The following AFF3 variants were observed in gnomAD, a reference collection of about 807,000 sequenced individuals.
AFF3 encodes AF4/FMR2 family member 3.
In AFF3, 32 loss-of-function variants were observed where a neutral mutation model predicts 129.7. The ratio of observed to expected loss-of-function variants is 0.25; its 90% CI spans 0.19 to 0.33. The LOEUF (loss-of-function observed/expected upper bound fraction) is 0.33. AFF3 is among the 10% of genes least tolerant of loss of function. AFF3 has a pLI of 1.00. For missense variants in AFF3, 1,373 were observed against 1,592.0 expected, an observed-to-expected ratio of 0.86 and a Z score of 2.34; for synonymous variants, 644 against 635.4, an observed-to-expected ratio of 1.01 and a Z score of -0.20.
At chr2:100,011,397 G>A (rs1559055253) in intron 4 of AFF3, 1 of 768,640 alleles carries the variant, frequency 1.3e-6, no homozygotes, top group Non-Finnish European at 2.4e-6. Flanking sequence ...CACAAGACTG[G>A]TGTGATGCAC....
At chr2:99,757,768 C>T (rs769837826) in intron 8 of AFF3, among the ~76,000 whole-genome samples, 89 of 152,204 alleles carry the variant, frequency 5.8e-4, no homozygotes, top group Admixed American at 3.3e-4. Context: ...CACCTCCCAA[C>T]CTCCTATTGT....
chr2:99,651,817 T>C (rs1036838562), intron 12 of AFF3, among the ~76,000 whole-genome samples: 6 of 151,968 alleles, frequency 3.9e-5, no homozygotes, highest in African/African-American at 9.7e-5. Context: ...TCAGGAAAAA[T>C]AGAATCTTCA....
chr2:99,632,721 C>CA (rs1683243035), intron 13 of AFF3, among the ~76,000 whole-genome samples: 1 of 152,164 alleles, frequency 6.6e-6, no homozygotes, highest in Non-Finnish European at 1.5e-5. Flanking sequence ...TCCAGGTAAT[C>CA]AAGGTGGAGA....
At chr2:100,022,567 T>G (rs1005089905) in intron 4 of AFF3, among the ~76,000 whole-genome samples, 1 of 152,048 alleles carries the variant, frequency 6.6e-6, no homozygotes, top group Non-Finnish European at 1.5e-5. Context: ...TGCGCCACCA[T>G]GCCTGGCCAA....
chr2:99,628,837 C>T (rs1006658475), intron 13 of AFF3, among the ~76,000 whole-genome samples: 2 of 151,330 alleles, frequency 1.3e-5, no homozygotes, highest in African/African-American at 4.9e-5. Context: ...TCTCCTGCCT[C>T]AGCCTCCTGA....
At chr2:99,581,228 G>C (rs539985351) in intron 17 of AFF3, among the ~76,000 whole-genome samples, 1 of 152,180 alleles carries the variant, frequency 6.6e-6, no homozygotes, top group East Asian at 1.9e-4. Context: ...AGTTCTCTGC[G>C]TATCATAGTT....
chr2:99,931,647 G>C (rs564455460), intron 7 of AFF3, among the ~76,000 whole-genome samples: 1 of 152,234 alleles, frequency 6.6e-6, no homozygotes, highest in Non-Finnish European at 1.5e-5. Context: ...AGTGGCTCAC[G>C]CCTGTAATCC....
chr2:99,616,269 C>T (rs1207292064), intron 13 of AFF3, among the ~76,000 whole-genome samples: 5 of 151,998 alleles, frequency 3.3e-5, no homozygotes, highest in South Asian at 2.1e-4. Flanking sequence ...TTGGATAGTG[C>T]GGCCTCAAAC....
At chr2:99,649,081 C>T (rs1053756984) in intron 13 of AFF3, among the ~76,000 whole-genome samples, 2 of 152,068 alleles carry the variant, frequency 1.3e-5, no homozygotes, top group Admixed American at 1.3e-4. Context: ...AAAATACAGC[C>T]TGTGTGTGTT....
chr2:99,808,336 C>A (rs1406678286), intron 8 of AFF3, among the ~76,000 whole-genome samples: 3 of 152,064 alleles, frequency 2.0e-5, no homozygotes, highest in Admixed American at 2.0e-4. Flanking sequence ...TTCTGGGATC[C>A]CAGGACCATC....
At chr2:99,650,423 G>T (rs1685128462) in intron 12 of AFF3, among the ~76,000 whole-genome samples, 1 of 152,080 alleles carries the variant, frequency 6.6e-6, no homozygotes. Flanking sequence ...GCTGGGTGTG[G>T]TGGCATGCGC....
chr2:99,989,650 T>C (rs926652060), intron 7 of AFF3, among the ~76,000 whole-genome samples: 1 of 152,162 alleles, frequency 6.6e-6, no homozygotes, highest in African/African-American at 2.4e-5. Context: ...TCAACAATGA[T>C]TTTTTTAAAA....
chr2:99,672,021 C>T (rs1426130395), intron 12 of AFF3, among the ~76,000 whole-genome samples: 1 of 152,130 alleles, frequency 6.6e-6, no homozygotes, highest in African/African-American at 2.4e-5. Flanking sequence ...AGCATAATTA[C>T]TTTTTATTCA....
At chr2:99,604,770 A>T (rs1680167944) in intron 13 of AFF3, among the ~76,000 whole-genome samples, 1 of 152,210 alleles carries the variant, frequency 6.6e-6, no homozygotes, top group South Asian at 2.1e-4. Context: ...TGGAGGAAAG[A>T]TATGTGTTTC....
At chr2:99,650,613 G>T (rs996646893) in intron 12 of AFF3, among the ~76,000 whole-genome samples, 1 of 152,042 alleles carries the variant, frequency 6.6e-6, no homozygotes, top group Admixed American at 6.6e-5. Flanking sequence ...GAGAAGGGCA[G>T]AGTGGGTGGG....
chr2:99,903,472 T>C (rs1209193485), intron 7 of AFF3, among the ~76,000 whole-genome samples: 2 of 152,190 alleles, frequency 1.3e-5, no homozygotes, highest in Non-Finnish European at 2.9e-5. Flanking sequence ...TTGGCACTGA[T>C]CAAACGTTTT....
chr2:99,592,932 T>TCC (rs1553394536), intron 15 of AFF3, among the ~76,000 whole-genome samples: 1,823 of 51,348 alleles, frequency 0.036, 35 homozygotes, highest in African/African-American at 0.041. Context: ...TGAGACTCCC[T>TCC]CCCCCCCCCC....
chr2:99,553,719 C>G (rs1674623282), intron 24 of AFF3, among the ~76,000 whole-genome samples: 1 of 151,622 alleles, frequency 6.6e-6, no homozygotes, highest in South Asian at 2.1e-4. Context: ...CGAGATCATC[C>G]TGGCCAACAT....
rs148694648 is a variant in AFF3, at chr2:99,578,260, C to T, written c.2918+67G>A. 6.0e-6 allele frequency: 9 copies of T among 1,494,804 alleles called. No homozygotes were observed. The East Asian group carries it at 2.0e-4, about 34-fold the overall frequency. 92.6% of individuals were successfully genotyped at this position (1,494,804 alleles called of 1,614,324 possible). A position where few individuals can be genotyped will look rare whatever the true frequency, so the allele number is the denominator to read the frequency against. Reference sequence around the variant, plus strand: ...AGGTGGCCACACCAAGGTGCCCATGCCCCTTCCACCTGAGCAGCTTCTGTT... The same window carrying T: ...AGGTGGCCACACCAAGGTGCCCATGTCCCTTCCACCTGAGCAGCTTCTGTT... On this transcript the variant is annotated intron_variant, in intron 18 of 24. Transcript: ENST00000672756.
Sources: allele counts gnomAD v4.1 joint callset (sites outside exome capture counted in the v4.1 genomes callset), GRCh38; gene constraint gnomAD v4.1.1; transcripts MANE v1.5; gene names NCBI Gene and HGNC (gene_info 2026-07-23, HGNC 2026-07-21).